The following ADGRL2 variants were observed in gnomAD, a reference collection of about 807,000 sequenced individuals.
ADGRL2 encodes the protein calcium-independent alpha-latrotoxin receptor 2.
ADGRL2 carries 44 observed loss-of-function variants against 157.4 expected under a neutral mutation model. The observed-to-expected ratio is 0.28, with a 90% CI of 0.22 to 0.36. The LOEUF (loss-of-function observed/expected upper bound fraction) is 0.36. Ranked by LOEUF, ADGRL2 falls within the 10% of genes least tolerant of loss-of-function variation. ADGRL2 has a pLI of 1.00. For synonymous variants in ADGRL2, 585 were observed against 624.7 expected (o/e 0.94, Z 0.95); for missense variants, 1,510 against 1,768.9 (o/e 0.85, Z 2.63).
intron 1 of ADGRL2, among the ~76,000 whole-genome samples, chr1:81,387,611 C>A (rs535772398): frequency 3.2e-4 from 49 of 152,098 alleles, no homozygotes; most frequent in African/African-American, 1.2e-3. Flanking sequence ...GGGAGTTTAC[C>A]CTCGAAGCCT....
intron 1 of ADGRL2, among the ~76,000 whole-genome samples, chr1:81,342,551 C>A (rs1414148743): frequency 6.6e-6 from 1 of 152,078 alleles, no homozygotes; most frequent in Non-Finnish European, 1.5e-5. Flanking sequence ...GCAATTTAGT[C>A]ATAATTTTAA....
intron 2 of ADGRL2, among the ~76,000 whole-genome samples, chr1:81,520,549 C>T (rs919770934): frequency 2.0e-5 from 3 of 152,124 alleles, no homozygotes; most frequent in Non-Finnish European, 4.4e-5. Flanking sequence ...GGGGTGGTTT[C>T]TCCCATGCTG....
intron 1 of ADGRL2, among the ~76,000 whole-genome samples, chr1:81,424,409 T>A (rs1336545096): frequency 6.6e-6 from 1 of 152,116 alleles, no homozygotes; most frequent in East Asian, 1.9e-4. Context: ...TGTGGTGTAG[T>A]CTTAGAGCTG....
chr1:81,874,615 T>C (rs1335036806), intron 2 of ADGRL2, among the ~76,000 whole-genome samples: 1 of 29,382 alleles, frequency 3.4e-5, no homozygotes, highest in Non-Finnish European at 7.9e-5. Context: ...CTTGTTTGTC[T>C]TGTCTTGTCT....
chr1:81,487,108 A>AAAAAAAAAAAAT (rs537612028), intron 2 of ADGRL2, among the ~76,000 whole-genome samples: 4 of 135,494 alleles, frequency 3.0e-5, no homozygotes, highest in Non-Finnish European at 4.7e-5. Flanking sequence ...AAAAAAAAAA[A>AAAAAAAAAAAAT]AGAAAGTAAA....
chr1:81,770,296 G>C (rs1161090705), intron 2 of ADGRL2, among the ~76,000 whole-genome samples: 1 of 151,276 alleles, frequency 6.6e-6, no homozygotes, highest in East Asian at 1.9e-4. Context: ...CCAAGTAGCT[G>C]GGAGTACAGG....
intron 3 of ADGRL2, among the ~76,000 whole-genome samples, chr1:81,654,106 C>A (rs897070049): frequency 2.6e-5 from 4 of 152,116 alleles, no homozygotes; most frequent in African/African-American, 9.7e-5. Context: ...CCACCACACC[C>A]AGCTAATTTT....
intron 1 of ADGRL2, among the ~76,000 whole-genome samples, chr1:81,366,566 T>A (rs1205429741): frequency 6.6e-6 from 1 of 152,186 alleles, no homozygotes; most frequent in South Asian, 2.1e-4. Context: ...CCTTAATATA[T>A]ACCAAGGTGA....
chr1:81,709,427 C>T (rs990443109), intron 1 of ADGRL2, among the ~76,000 whole-genome samples: 2 of 152,084 alleles, frequency 1.3e-5, no homozygotes, highest in African/African-American at 2.4e-5. Context: ...ACCATGGATT[C>T]CAAATTGCTT....
At chr1:81,361,937 G>GT (rs551557797) in intron 1 of ADGRL2, among the ~76,000 whole-genome samples, 33 of 150,428 alleles carry the variant, frequency 2.2e-4, no homozygotes, top group Admixed American at 4.0e-4. Context: ...ATACACTATG[G>GT]TTTTTTTTTA....
In ADGRL2 at chr1:81,744,203, A is replaced by G. The variant is rs546803897; in HGVS notation, c.-142-17608A>G. Among the ~76,000 whole-genome samples the G allele has an allele frequency of 8.5e-5, 13 of 152,306 alleles. No individual in the cohort carries two copies. In the East Asian group the frequency reaches 2.1e-3, roughly 25 times the overall value. Reference sequence around the variant, plus strand: ...GTGTTTCTAAATCTTAAATTAAGACATGCTCACAATTTCATGAGAAATCAC... The same window carrying G: ...GTGTTTCTAAATCTTAAATTAAGACGTGCTCACAATTTCATGAGAAATCAC... On this transcript the variant is annotated intron_variant, in intron 1 of 20. Transcript: ENST00000359929.
intron 2 of ADGRL2, among the ~76,000 whole-genome samples, chr1:81,543,947 G>T (rs2079952105): frequency 6.6e-6 from 1 of 152,086 alleles, no homozygotes; most frequent in Non-Finnish European, 1.5e-5. Context: ...TGTTCTGTCT[G>T]CTTGGCAGAG....
chr1:81,975,495 T>C (rs1041023138), intron 17 of ADGRL2, among the ~76,000 whole-genome samples: 3 of 152,144 alleles, frequency 2.0e-5, no homozygotes, highest in African/African-American at 7.2e-5. Context: ...GTTCTCTCCC[T>C]GCCTCTTTGC....
intron 2 of ADGRL2, among the ~76,000 whole-genome samples, chr1:81,774,916 C>A (rs1039220293): frequency 6.6e-6 from 1 of 151,898 alleles, no homozygotes; most frequent in African/African-American, 2.4e-5. Context: ...TGACACCTAC[C>A]CAATTTGTTT....
At chr1:81,989,898 A>C (rs968388212) in intron 23 of ADGRL2, 1 of 985,172 alleles carries the variant, frequency 1.0e-6, no homozygotes, top group African/African-American at 1.7e-5. Flanking sequence ...GTTGCTTGCC[A>C]GTTATGTGGG....
At chr1:81,543,412 G>A (rs1188841182) in intron 2 of ADGRL2, among the ~76,000 whole-genome samples, 1 of 152,136 alleles carries the variant, frequency 6.6e-6, no homozygotes, top group African/African-American at 2.4e-5. Flanking sequence ...CTGGCACTTT[G>A]ATCTTTGACT....
At chr1:81,561,441 G>GT (rs201566525) in intron 2 of ADGRL2, among the ~76,000 whole-genome samples, 3,640 of 136,168 alleles carry the variant, frequency 0.027, 130 homozygotes, top group African/African-American at 0.09. Context: ...GTTTTGTTCT[G>GT]TTTTTTTTTG....
At chr1:81,978,041 T>C (rs1660672439) in intron 17 of ADGRL2, among the ~76,000 whole-genome samples, 1 of 151,632 alleles carries the variant, frequency 6.6e-6, no homozygotes, top group Non-Finnish European at 1.5e-5. Flanking sequence ...TAACCATTCT[T>C]GAATTTTACT....
chr1:81,529,984 C>T (rs1179185285), intron 2 of ADGRL2, among the ~76,000 whole-genome samples: 7 of 152,176 alleles, frequency 4.6e-5, no homozygotes, highest in South Asian at 2.1e-4. Context: ...AAACTGTATA[C>T]GCAATAACAT....
Sources: allele counts gnomAD v4.1 joint callset (sites outside exome capture counted in the v4.1 genomes callset), GRCh38; gene constraint gnomAD v4.1.1; transcripts MANE v1.5; gene names NCBI Gene and HGNC (gene_info 2026-07-23, HGNC 2026-07-21).